NDRG3: variants seen among roughly 807,000 people sequenced by gnomAD.
NDRG3 encodes NDRG family member 3.
A neutral mutation model predicts 57.2 loss-of-function variants in NDRG3; 23 were observed. The ratio of observed to expected loss-of-function variants is 0.40; its 90% CI spans 0.29 to 0.57. The LOEUF (loss-of-function observed/expected upper bound fraction) is 0.57, where lower values mean the gene tolerates loss of function less well. NDRG3 is among the 20% of genes least tolerant of loss of function. The pLI is 0.42. For missense variants in NDRG3, 384 were observed against 457.3 expected, an observed-to-expected ratio of 0.84 and a Z score of 1.46; for synonymous variants, 132 against 162.6, an observed-to-expected ratio of 0.81 and a Z score of 1.43.
chr20:36,739,933 C>A (rs1174604432), intron 1 of NDRG3, among the ~76,000 whole-genome samples: 10 of 138,072 alleles, frequency 7.2e-5, no homozygotes, highest in South Asian at 2.3e-4. Context: ...AAAAAAAAAA[C>A]CGTAAACCTT....
At chr20:36,687,727 C>G in intron 4 of NDRG3, 115 bp from the exon 5 acceptor site, 1 of 1,226,810 alleles carries the variant, frequency 8.2e-7, no homozygotes, top group Non-Finnish European at 1.1e-6. Context: ...ACCATTCCAC[C>G]AAAGTGAGGT....
At chr20:36,712,393 C>CT (rs532490524) in intron 2 of NDRG3, among the ~76,000 whole-genome samples, 4,705 of 124,262 alleles carry the variant, frequency 0.038, 432 homozygotes, top group African/African-American at 0.14. Context: ...TTTTCTTTTT[C>CT]TTTTTTTTTT....
rs760333274 is a variant in NDRG3, at chr20:36,688,773, T to C, written c.105A>G (p.Ile35Met). Reference protein sequence around the residue: ...FQDFDCQEHDIETTHGVVHVT... With the variant: ...FQDFDCQEHDMETTHGVVHVT... ...CGTGGACCACACCATGAGTTGTTTC[T>C]ATATCATGTTCCTGTAACAAGAGAA... Residue 35 changes from isoleucine to methionine, a missense_variant, in exon 4 of 16, where the codon ATA (isoleucine) becomes ATG (methionine). Transcript: ENST00000349004. The C allele has an allele frequency of 3.1e-6, 5 of 1,612,426 alleles. No homozygotes were observed. Among genetic ancestry groups the C allele is most frequent in the African/African-American group, 1.3e-5 (1 of 74,894 alleles).
chr20:36,739,133 T>TTAAAAAAAA lies in NDRG3; in HGVS notation c.-49+6911_-49+6912insTTTTTTTTA, dbSNP rs1568676736. 1.6e-4 allele frequency among the ~76,000 whole-genome samples: 5 copies of TTAAAAAAAA among 31,526 alleles called. 2 individuals carry two copies. Among genetic ancestry groups the TTAAAAAAAA allele is most frequent in the Admixed American group, 5.0e-4 (1 of 2,002 alleles). 20.7% of individuals were successfully genotyped at this position (31,526 alleles called of 152,430 possible). On this transcript the variant is annotated intron_variant, in intron 1 of 15. Coordinates refer to ENST00000349004, the MANE Select transcript of NDRG3 (RefSeq NM_032013.4). ...CTGGGTGACAAAACGAGACCCCATCTCAAAAAAAAAAAAAAAAAAAAAAAA... is the reference window on the plus strand; with the variant it reads ...CTGGGTGACAAAACGAGACCCCATCTTAAAAAAAACAAAAAAAAAAAAAAAAAAAAAAAA...
chr20:36,658,803 A>G (rs1428220661), intron 13 of NDRG3, among the ~76,000 whole-genome samples: 1 of 152,162 alleles, frequency 6.6e-6, no homozygotes, highest in Non-Finnish European at 1.5e-5. Flanking sequence ...TTAGCATAAG[A>G]GTTGGTCTGT....
At chr20:36,691,298 T>C (rs756039052) in intron 3 of NDRG3, among the ~76,000 whole-genome samples, 3 of 152,224 alleles carry the variant, frequency 2.0e-5, no homozygotes, top group Non-Finnish European at 4.4e-5. Context: ...AATCAAACCA[T>C]GTGTGACTCA....
intron 12 of NDRG3, among the ~76,000 whole-genome samples, 175 bp from the exon 13 acceptor site, chr20:36,660,559 TATTTA>T (rs1568622475): frequency 6.6e-6 from 1 of 150,878 alleles, no homozygotes; most frequent in African/African-American, 2.5e-5. Flanking sequence ...TTTATTTATT[TATTTA>T]TTTATTTTTT....
At chr20:36,666,184 C>G in intron 10 of NDRG3, 105 bp downstream of exon 10, 1 of 822,830 alleles carries the variant, frequency 1.2e-6, no homozygotes, top group Non-Finnish European at 2.0e-6. Flanking sequence ...ATTTTCACCT[C>G]GGAGAAGCTG....
At chr20:36,684,128 T>C (rs567468593) in intron 6 of NDRG3, among the ~76,000 whole-genome samples, 35 of 152,326 alleles carry the variant, frequency 2.3e-4, no homozygotes, top group Non-Finnish European at 4.4e-4. Flanking sequence ...CAGCTCAAGG[T>C]AGATTTTTAA....
intron 12 of NDRG3, among the ~76,000 whole-genome samples, chr20:36,661,169 T>C (rs1979172152): frequency 6.6e-6 from 1 of 152,222 alleles, no homozygotes; most frequent in Non-Finnish European, 1.5e-5. Context: ...ATTCTTTATA[T>C]CCTCACTCTT....
intron 4 of NDRG3, 119 bp from the exon 5 acceptor site, chr20:36,687,731 G>C: frequency 8.4e-7 from 1 of 1,193,128 alleles, no homozygotes; most frequent in Non-Finnish European, 1.2e-6. Flanking sequence ...TTCCACCAAA[G>C]TGAGGTGTCT....
intron 13 of NDRG3, among the ~76,000 whole-genome samples, chr20:36,657,834 C>T (rs1600849972): frequency 1.3e-5 from 2 of 152,116 alleles, no homozygotes; most frequent in Non-Finnish European, 2.9e-5. Flanking sequence ...TACAAAAAAA[C>T]CAAACCAGCA....
intron 1 of NDRG3, among the ~76,000 whole-genome samples, chr20:36,728,277 C>T (rs1251661402): frequency 6.6e-6 from 1 of 152,148 alleles, no homozygotes; most frequent in Non-Finnish European, 1.5e-5. Context: ...TGGTCTCGAT[C>T]TCCTGACCTC....
chr20:36,728,281 T>C (rs1985067220), intron 1 of NDRG3, among the ~76,000 whole-genome samples: 1 of 152,134 alleles, frequency 6.6e-6, no homozygotes, highest in Non-Finnish European at 1.5e-5. Flanking sequence ...CTCGATCTCC[T>C]GACCTCGTGA....
At chr20:36,656,607 C>G in intron 13 of NDRG3, 75 bp from the exon 14 acceptor site, 3 of 1,510,974 alleles carry the variant, frequency 2.0e-6, no homozygotes, top group Non-Finnish European at 2.8e-6. Flanking sequence ...CAAGTCCTTT[C>G]AAACAGAACA....
Position 36,680,875 on chromosome 20 carries a change from G to C in NDRG3, c.472C>G (p.Leu158Val), listed in dbSNP as rs1341992441. 1 of 1,614,024 alleles carries C rather than the reference G, an allele frequency of 6.2e-7. No individual in the cohort carries two copies. Among genetic ancestry groups the C allele is most frequent in the African/African-American group, 1.3e-5 (1 of 75,026 alleles). ...CAAGGGTCAACATTAATGAGCACAA[G>C]GCCTTCCACAAGCTCTGGATGGTTG... ...ALNHPELVEG[L>V]VLINVDPCAK... The change falls in exon 8 of 16, where the codon CTT (leucine) becomes GTT (valine). Residue 158 changes from leucine (L) to valine (V), a missense_variant. Transcript: ENST00000349004.
chr20:36,676,486 C>G (rs1171716718), intron 8 of NDRG3, among the ~76,000 whole-genome samples: 24 of 152,030 alleles, frequency 1.6e-4, no homozygotes, highest in Admixed American at 1.6e-3. Flanking sequence ...TTTTTTGAGA[C>G]GGAGTTTTGC....
At chr20:36,665,506 T>A (rs1396842069) in intron 10 of NDRG3, among the ~76,000 whole-genome samples, 1 of 152,182 alleles carries the variant, frequency 6.6e-6, no homozygotes, top group Non-Finnish European at 1.5e-5. Context: ...AGGAAGCTCT[T>A]GGCTCAACCC....
chr20:36,705,357 GA>G (rs1420260753), intron 3 of NDRG3, among the ~76,000 whole-genome samples: 2 of 148,118 alleles, frequency 1.4e-5, no homozygotes, highest in Admixed American at 1.3e-4. Flanking sequence ...GAAAAGAAAA[GA>G]AAAAAAACCC....
Sources: allele counts gnomAD v4.1 joint callset (sites outside exome capture counted in the v4.1 genomes callset), GRCh38; gene constraint gnomAD v4.1.1; transcripts MANE v1.5; gene names NCBI Gene and HGNC (gene_info 2026-07-23, HGNC 2026-07-21).